Variants in CDKN1B observed in about 807,000 individuals in gnomAD.
The protein encoded by CDKN1B is cyclin-dependent kinase inhibitor 1B.
In CDKN1B, 7 loss-of-function variants were observed where a neutral mutation model predicts 17.1. The observed-to-expected ratio is 0.41, with a 90% CI of 0.23 to 0.77. CDKN1B has a LOEUF of 0.77. CDKN1B is among the 30% of genes least tolerant of loss of function. The probability of loss-of-function intolerance (pLI) is 0.33; values close to 1 mark genes in which losing one functional copy is unlikely to be tolerated. For missense variants in CDKN1B, 337 were observed against 262.0 expected, an observed-to-expected ratio of 1.29 and a Z score of -1.98; for synonymous variants, 149 against 104.3, an observed-to-expected ratio of 1.43 and a Z score of -2.61.
At position 12,721,100 on chromosome 12, in the gene CDKN1B, A is replaced by G. The variant is rs1420811586; in HGVS notation, c.*73A>G. On this transcript the variant is annotated 3_prime_UTR_variant, in exon 3 of 3. Coordinates refer to ENST00000228872, the MANE Select transcript of CDKN1B (RefSeq NM_004064.5). ...GCTTGATGAAGCAAGGAAGATATAC[A>G]TGAAAATTTTAAAAATACATATCGC... The G allele has an allele frequency of 1.3e-6, 1 of 772,912 alleles. No homozygotes were observed. The highest frequency in any genetic ancestry group is 1.7e-5 in the Admixed American group (1 of 57,954). 47.9% of individuals were successfully genotyped at this position (772,912 alleles called of 1,614,324 possible).
rs1405526902 is a variant in CDKN1B, at chr12:12,717,409, A to G, written c.-431A>G. The G allele has an allele frequency of 5.8e-6, 7 of 1,203,202 alleles. No homozygotes were observed. In the African/African-American group the frequency reaches 6.2e-5, roughly 11 times the overall value. 74.5% of individuals were successfully genotyped at this position (1,203,202 alleles called of 1,614,324 possible). On this transcript the variant is annotated 5_prime_UTR_variant, in exon 1 of 3. Coordinates refer to ENST00000228872, the MANE Select transcript of CDKN1B (RefSeq NM_004064.5). Reference sequence around the variant, plus strand: ...CCTTCCACCGCCATATTGGGCCACTAAAAAAAGGGGGCTCGTCTTTTCGGG... The same window carrying G: ...CCTTCCACCGCCATATTGGGCCACTGAAAAAAGGGGGCTCGTCTTTTCGGG...
Position 12,718,165 on chromosome 12 carries a change from T to G in CDKN1B, c.326T>G (p.Val109Gly), listed in dbSNP as rs2066827. ...GTGCCGGCGCAGGAGAGCCAGGATG[T>G]CAGCGGGAGCCGCCCGGCGGCGCCT... ...CKVPAQESQDVSGSRPAAPLI... is the reference protein window; with the variant it reads ...CKVPAQESQDGSGSRPAAPLI... The change falls in exon 1 of 3, where the codon GTC (valine) becomes GGC (glycine). Residue 109 changes from valine (V) to glycine (G), a missense_variant. Coordinates refer to ENST00000228872, the MANE Select transcript of CDKN1B (RefSeq NM_004064.5). 416,614 of 1,613,296 alleles carry G rather than the reference T, an allele frequency of 0.26. 64,983 individuals carry two copies. The highest frequency in any genetic ancestry group is 0.73 in the African/African-American group (54,383 of 74,964).
intron 2 of CDKN1B, chr12:12,719,640 C>CTT (rs1166588191): frequency 6.5e-6 from 1 of 152,710 alleles, no homozygotes; most frequent in Non-Finnish European, 1.5e-5. Context: ...TAAATTAACT[C>CTT]TTGTCAGTAA....
rs1319912400 is a variant in CDKN1B at position 12,718,041 on chromosome 12, A to G, written c.202A>G (p.Lys68Glu). The part of the protein sequence containing the change: ...RKWNFDFQNH[K>E]PLEGKYEWQE... Reference sequence around the variant, plus strand: ...GTGGAATTTCGATTTTCAGAATCACAAACCCCTAGAGGGCAAGTACGAGTG... The same window carrying G: ...GTGGAATTTCGATTTTCAGAATCACGAACCCCTAGAGGGCAAGTACGAGTG... The change falls in exon 1 of 3, where the codon AAA becomes GAA. Residue 68 changes from lysine (K) to glutamate (E), a missense_variant. Transcript: ENST00000228872. 1 of 1,614,250 alleles carries G rather than the reference A, an allele frequency of 6.2e-7. No individual in the cohort carries two copies. The highest frequency in any genetic ancestry group is 1.1e-5 in the South Asian group (1 of 91,086).
In CDKN1B at chr12:12,718,207, C is replaced by T. The variant is rs1427690050; in HGVS notation, c.368C>T (p.Ala123Val). ...GCGGCGCCTTTAATTGGGGCTCCGG[C>T]TAACTCTGAGGACACGCATTTGGTG... The part of the protein sequence containing the change: ...RPAAPLIGAP[A>V]NSEDTHLVDP... The change falls in exon 1 of 3, where the codon GCT becomes GTT. Residue 123 changes from alanine to valine, a missense_variant. Ala to Val is a moderately conservative substitution (Grantham distance 64). Coordinates refer to ENST00000228872, the MANE Select transcript of CDKN1B (RefSeq NM_004064.5). 1.2e-6 allele frequency: 2 copies of T among 1,613,056 alleles called. No individual in the cohort carries two copies. The highest frequency in any genetic ancestry group is 1.7e-6 in the Non-Finnish European group (2 of 1,179,888).
intron 2 of CDKN1B, among the ~76,000 whole-genome samples, chr12:12,719,796 C>G (rs1336559908): frequency 6.6e-6 from 1 of 152,176 alleles, no homozygotes; most frequent in Non-Finnish European, 1.5e-5. Context: ...TTTCCATGCA[C>G]AAGAATCTGA....
chr12:12,718,893 G>C lies in CDKN1B; in HGVS notation c.544G>C (p.Gly182Arg), dbSNP rs775220239. 1.2e-6 allele frequency: 2 copies of C among 1,614,112 alleles called. No homozygotes were observed. Among genetic ancestry groups the C allele is most frequent in the East Asian group, 2.2e-5 (1 of 44,880 alleles). Residue 182 changes from glycine to arginine, a missense_variant, in exon 2 of 3, where the codon GGT (glycine) becomes CGT (arginine). Gly to Arg is a moderately radical substitution (Grantham distance 125). Coordinates refer to ENST00000228872, the MANE Select transcript of CDKN1B (RefSeq NM_004064.5). ...ENVSDGSPNA[G>R]SVEQTPKKPG... ...TGTTTCAGACGGTTCCCCAAATGCC[G>C]GTTCTGTGGAGCAGACGCCCAAGAA...
At position 12,717,971 on chromosome 12, in the gene CDKN1B, C is replaced by T. The variant is rs1946489417; in HGVS notation, c.132C>T (p.Asp44=). ...TGGACCACGAAGAGTTAACCCGGGA[C>T]TTGGAGAAGCACTGCAGAGACATGG... The part of the protein sequence containing the change: ...GPVDHEELTR[D]LEKHCRDMEE... Residue 44 remains aspartate, a synonymous_variant, in exon 1 of 3, where the codon GAC becomes GAT. Transcript: ENST00000228872. The T allele has an allele frequency of 6.2e-7, 1 of 1,614,092 alleles. No homozygotes were observed. Among genetic ancestry groups the T allele is most frequent in the Admixed American group, 1.7e-5 (1 of 60,004 alleles).
rs1163742142 is a variant in CDKN1B, at chr12:12,721,222, C to T, written c.*195C>T. 2 of 744,796 alleles carry T rather than the reference C, an allele frequency of 2.7e-6. No individual in the cohort carries two copies. The highest frequency in any genetic ancestry group is 1.7e-5 in the African/African-American group (1 of 57,588). The allele number at this position is 744,796 out of a possible 1,614,324, so 46.1% of individuals were successfully genotyped here. On this transcript the variant is annotated 3_prime_UTR_variant, in exon 3 of 3. Transcript: ENST00000228872. ...CTCTTAAATGATCTGCCTCTAAAAG[C>T]GTTGGATGTAGCATTATGCAATTAG...
At chr12:12,719,058 G>T (rs574732971) in intron 2 of CDKN1B, 104 bp downstream of exon 2, 210 of 1,470,856 alleles carry the variant, frequency 1.4e-4, no homozygotes, top group Admixed American at 1.2e-3. Context: ...ATGGGGTTTT[G>T]TTTTGTTTAT....
Position 12,717,826 on chromosome 12 carries a change from G to T in CDKN1B, c.-14G>T. On this transcript the variant is annotated 5_prime_UTR_variant, in exon 1 of 3. Coordinates refer to ENST00000228872, the MANE Select transcript of CDKN1B (RefSeq NM_004064.5). ...AGAGTGCGAGAGAGGCGGTCGTGCA[G>T]ACCCGGGAGAAAGATGTCAAACGTG... The T allele has an allele frequency of 1.2e-6, 2 of 1,611,444 alleles. No homozygotes were observed. Among genetic ancestry groups the T allele is most frequent in the Non-Finnish European group, 1.7e-6 (2 of 1,179,916 alleles).
At chr12:12,718,563 C>T (rs1946505868) in intron 1 of CDKN1B, among the ~76,000 whole-genome samples, 1 of 152,154 alleles carries the variant, frequency 6.6e-6, no homozygotes, top group African/African-American at 2.4e-5. Flanking sequence ...ACTAGCAACT[C>T]CTAGGTATGT....
chr12:12,717,508 C>T lies in CDKN1B; in HGVS notation c.-332C>T. ...TCCGACGCCGGCAAGGTTTGGAGAG[C>T]GGCTGGGTTCGCGGGACCCGCGGGC... On this transcript the variant is annotated 5_prime_UTR_variant, in exon 1 of 3. Transcript: ENST00000228872. 3 of 1,368,988 alleles carry T rather than the reference C, an allele frequency of 2.2e-6. No homozygotes were observed. Among genetic ancestry groups the T allele is most frequent in the East Asian group, 2.9e-5 (1 of 34,956 alleles). The allele number at this position is 1,368,988 out of a possible 1,614,324, so 84.8% of individuals were successfully genotyped here. A position where few individuals can be genotyped will look rare whatever the true frequency, so the allele number is the denominator to read the frequency against.
chr12:12,718,814 C>T lies in CDKN1B; in HGVS notation c.476-11C>T, dbSNP rs1946510571. 1 of 1,613,882 alleles carries T rather than the reference C, an allele frequency of 6.2e-7. No individual in the cohort carries two copies. The highest frequency in any genetic ancestry group is 1.3e-5 in the African/African-American group (1 of 74,934). The stretch of plus-strand genomic sequence containing the variant: ...TTGTGTGTTCTTTTTAAAAATTTCC[C>T]CTGCGCTTAGATTCTTCTACTCAAA... On this transcript the variant is annotated splice_polypyrimidine_tract_variant and intron_variant, in intron 1 of 2. Transcript: ENST00000228872.
intron 1 of CDKN1B, 33 bp downstream of exon 1, chr12:12,718,347 T>C (rs1202004630): frequency 2.5e-6 from 4 of 1,583,904 alleles, no homozygotes; most frequent in East Asian, 2.2e-5. Context: ...AGAATGTGTT[T>C]GGGGCCCCGC....
rs201685429 is a variant in CDKN1B at position 12,718,201 on chromosome 12, C to T, written c.362C>T (p.Ala121Val). The T allele has an allele frequency of 4.7e-5, 76 of 1,612,932 alleles. No individual in the cohort carries two copies. Among genetic ancestry groups the T allele is most frequent in the Admixed American group, 3.3e-4 (20 of 59,960 alleles). Residue 121 changes from alanine to valine, a missense_variant, in exon 1 of 3, where the codon GCT becomes GTT. Coordinates refer to ENST00000228872, the MANE Select transcript of CDKN1B (RefSeq NM_004064.5). ...CGCCCGGCGGCGCCTTTAATTGGGG[C>T]TCCGGCTAACTCTGAGGACACGCAT... ...GSRPAAPLIGAPANSEDTHLV... is the reference protein window; with the variant it reads ...GSRPAAPLIGVPANSEDTHLV...
chr12:12,717,443 C>T lies in CDKN1B; in HGVS notation c.-397C>T. ...GGGCTCGTCTTTTCGGGGTGTTTTT[C>T]TCCCCCTCCCCTGTCCCCGCTTGCT... is the stretch of plus-strand genomic sequence containing the variant. On this transcript the variant is annotated 5_prime_UTR_variant, in exon 1 of 3. Transcript: ENST00000228872. 1 of 1,258,114 alleles carries T rather than the reference C, an allele frequency of 7.9e-7. No homozygotes were observed. The highest frequency in any genetic ancestry group is 1.0e-6 in the Non-Finnish European group (1 of 995,656). The allele number at this position is 1,258,114 out of a possible 1,614,324, so 77.9% of individuals were successfully genotyped here. A position where few individuals can be genotyped will look rare whatever the true frequency, so the allele number is the denominator to read the frequency against.
chr12:12,718,781 A>C, intron 1 of CDKN1B, 44 bp from the exon 2 acceptor site: 1 of 1,611,966 alleles, frequency 6.2e-7, no homozygotes, highest in South Asian at 1.1e-5. Context: ...TGTTTTTTCT[A>C]ATAAAGATTG....
Position 12,721,119 on chromosome 12 carries a change from A to G in CDKN1B, c.*92A>G, listed in dbSNP as rs1428339523. 5 of 774,080 alleles carry G rather than the reference A, an allele frequency of 6.5e-6. No individual in the cohort carries two copies. Among genetic ancestry groups the G allele is most frequent in the Admixed American group, 1.7e-5 (1 of 58,204 alleles). The allele number at this position is 774,080 out of a possible 1,614,324, so 48.0% of individuals were successfully genotyped here. On this transcript the variant is annotated 3_prime_UTR_variant, in exon 3 of 3. Coordinates refer to ENST00000228872, the MANE Select transcript of CDKN1B (RefSeq NM_004064.5). ...ATATACATGAAAATTTTAAAAATAC[A>G]TATCGCTGACTTCATGGAATGGACA...
Sources: allele counts gnomAD v4.1 joint callset (sites outside exome capture counted in the v4.1 genomes callset), GRCh38; gene constraint gnomAD v4.1.1; transcripts MANE v1.5; gene names NCBI Gene and HGNC (gene_info 2026-07-23, HGNC 2026-07-21).